The following ADK variants were observed in gnomAD, a reference collection of about 807,000 sequenced individuals.
The protein encoded by ADK is adenosine kinase, also known as N6,N6-dimethyladenosine kinase.
In ADK, 24 loss-of-function variants were observed where a neutral mutation model predicts 44.7. The observed-to-expected ratio is 0.54, with a 90% CI of 0.39 to 0.76. The LOEUF (loss-of-function observed/expected upper bound fraction) is 0.76. Ranked by LOEUF, ADK falls within the 30% of genes least tolerant of loss-of-function variation. The pLI is 0.00. For synonymous variants in ADK, 128 were observed against 142.6 expected (o/e 0.90, Z 0.73); for missense variants, 321 against 425.1 (o/e 0.76, Z 2.15).
At chr10:74,421,369 A>G (rs539405772) in intron 6 of ADK, among the ~76,000 whole-genome samples, 25 of 152,174 alleles carry the variant, frequency 1.6e-4, no homozygotes, top group Non-Finnish European at 3.1e-4. Context: ...TCAGGAAGGG[A>G]TGTTACAGAT....
At chr10:74,651,326 C>A (rs769174540) in intron 9 of ADK, among the ~76,000 whole-genome samples, 2 of 151,972 alleles carry the variant, frequency 1.3e-5, no homozygotes, top group African/African-American at 2.4e-5. Flanking sequence ...AAGAATGTTT[C>A]CTTCTTTAAA....
At chr10:74,151,567 C>T (rs1841589050) in intron 1 of ADK, among the ~76,000 whole-genome samples, 1 of 152,242 alleles carries the variant, frequency 6.6e-6, no homozygotes, top group African/African-American at 2.4e-5. Context: ...TCCAGCAGCC[C>T]TTCGCCAGTC....
intron 7 of ADK, among the ~76,000 whole-genome samples, chr10:74,573,355 C>G (rs1851043432): frequency 1.3e-5 from 2 of 152,194 alleles, no homozygotes; most frequent in Non-Finnish European, 2.9e-5. Flanking sequence ...TCTGATTGTT[C>G]CTCTGGAATT....
chr10:74,394,144 A>G lies in ADK; in HGVS notation c.277A>G (p.Met93Val). 1 of 1,613,932 alleles carries G rather than the reference A, an allele frequency of 6.2e-7. No individual in the cohort carries two copies. The highest frequency in any genetic ancestry group is 8.5e-7 in the Non-Finnish European group (1 of 1,179,874). Residue 93 changes from methionine to valine, a missense_variant, in exon 5 of 11, where the codon ATG becomes GTG. Coordinates refer to ENST00000539909, the MANE Select transcript of ADK (RefSeq NM_006721.4). The stretch of plus-strand genomic sequence containing the variant: ...TATTTATGTTCCTGTTTTACAGTGG[A>G]TGATTCAACAGCCACACAAAGCAGC... ...TQNSIKVAQW[M>V]IQQPHKAATF...
At chr10:74,444,810 T>C (rs1385082649) in intron 6 of ADK, among the ~76,000 whole-genome samples, 4 of 151,992 alleles carry the variant, frequency 2.6e-5, no homozygotes, top group Non-Finnish European at 5.9e-5. Context: ...AAAGATAAGA[T>C]TTTTTTTCCC....
chr10:74,243,403 A>G (rs968509365), intron 3 of ADK, among the ~76,000 whole-genome samples: 1 of 152,164 alleles, frequency 6.6e-6, no homozygotes, highest in African/African-American at 2.4e-5. Context: ...AAATGTACCA[A>G]ATTAAGTAAC....
intron 6 of ADK, among the ~76,000 whole-genome samples, chr10:74,471,449 CTTTG>C (rs1049971883): frequency 6.6e-5 from 10 of 152,082 alleles, no homozygotes; most frequent in African/African-American, 2.2e-4. Flanking sequence ...AGGCCTCTAT[CTTTG>C]TTTTTCTTTC....
chr10:74,465,386 G>A (rs1275068073), intron 6 of ADK, among the ~76,000 whole-genome samples: 1 of 152,096 alleles, frequency 6.6e-6, no homozygotes, highest in African/African-American at 2.4e-5. Context: ...TATTAAATAA[G>A]ACTTTATAGG....
At chr10:74,658,302 G>A (rs796908771) in intron 9 of ADK, among the ~76,000 whole-genome samples, 9 of 152,314 alleles carry the variant, frequency 5.9e-5, no homozygotes, top group African/African-American at 2.2e-4. Flanking sequence ...AGGCAGCCAA[G>A]TTTTGTGCCC....
chr10:74,281,652 A>G (rs1282729833), intron 3 of ADK, among the ~76,000 whole-genome samples: 1 of 152,244 alleles, frequency 6.6e-6, no homozygotes, highest in Non-Finnish European at 1.5e-5. Flanking sequence ...AGATTGACTT[A>G]GAATACCAAT....
chr10:74,170,580 C>T lies in ADK; in HGVS notation c.65+19237C>T, dbSNP rs540972858. ...TTGGGAGGCCGAGGCAGGCGGATCACGAGGTCAGGAGATCGAGACCATCCT... is the reference window on the plus strand; with the variant it reads ...TTGGGAGGCCGAGGCAGGCGGATCATGAGGTCAGGAGATCGAGACCATCCT... On this transcript the variant is annotated intron_variant, in intron 1 of 10. Transcript: ENST00000539909. 3.9e-5 allele frequency among the ~76,000 whole-genome samples: 6 copies of T among 151,934 alleles called. No individual in the cohort carries two copies. The East Asian group carries it at 1.2e-3, about 29-fold the overall frequency.
intron 4 of ADK, among the ~76,000 whole-genome samples, chr10:74,380,228 A>G (rs1158877273): frequency 1.3e-5 from 2 of 152,224 alleles, no homozygotes; most frequent in Non-Finnish European, 2.9e-5. Flanking sequence ...TGGTCAAGTA[A>G]CAGGATGGTA....
chr10:74,367,437 A>G (rs772884158), intron 4 of ADK, among the ~76,000 whole-genome samples: 2 of 152,154 alleles, frequency 1.3e-5, no homozygotes, highest in Non-Finnish European at 2.9e-5. Context: ...CATGATTTTT[A>G]TCATACTCTC....
chr10:74,691,210 G>A (rs1263653308), intron 10 of ADK, among the ~76,000 whole-genome samples: 5 of 152,138 alleles, frequency 3.3e-5, no homozygotes, highest in Non-Finnish European at 5.9e-5. Flanking sequence ...AAGAAAGATG[G>A]AAAATAAACA....
chr10:74,380,269 C>G (rs755482387), intron 4 of ADK, among the ~76,000 whole-genome samples: 1 of 152,114 alleles, frequency 6.6e-6, no homozygotes, highest in Non-Finnish European at 1.5e-5. Flanking sequence ...TTATAAATAT[C>G]ATTAGATTGG....
intron 9 of ADK, chr10:74,655,069 G>A (rs927278846): frequency 5.7e-5 from 13 of 226,186 alleles, no homozygotes; most frequent in South Asian, 1.3e-4. Context: ...ACCCCGGGCC[G>A]CCTTCCCTTC....
intron 6 of ADK, among the ~76,000 whole-genome samples, chr10:74,497,835 A>G (rs914479034): frequency 6.6e-6 from 1 of 152,150 alleles, no homozygotes; most frequent in Non-Finnish European, 1.5e-5. Context: ...ATATCAATCA[A>G]GAACCTGGGG....
intron 3 of ADK, among the ~76,000 whole-genome samples, chr10:74,270,739 A>C (rs763100957): frequency 1.8e-4 from 28 of 152,242 alleles, no homozygotes; most frequent in Non-Finnish European, 4.0e-4. Context: ...TTAGATGTCT[A>C]TTGATCTTTT....
intron 2 of ADK, among the ~76,000 whole-genome samples, chr10:74,221,952 T>G (rs1844328176): frequency 6.6e-6 from 1 of 152,204 alleles, no homozygotes; most frequent in Admixed American, 6.5e-5. Flanking sequence ...ATTCAGGACA[T>G]AGGCATGGGC....
Sources: allele counts gnomAD v4.1 joint callset (sites outside exome capture counted in the v4.1 genomes callset), GRCh38; gene constraint gnomAD v4.1.1; transcripts MANE v1.5; gene names NCBI Gene and HGNC (gene_info 2026-07-23, HGNC 2026-07-21).